MGAT4C: variants seen among roughly 807,000 people sequenced by gnomAD.
The protein encoded by MGAT4C is MGAT4 family member C.
MGAT4C carries 19 observed loss-of-function variants against 40.1 expected under a neutral mutation model. The observed-to-expected ratio is 0.47, with a 90% CI of 0.33 to 0.70. The LOEUF (loss-of-function observed/expected upper bound fraction) is 0.70. MGAT4C is among the 30% of genes least tolerant of loss of function. MGAT4C has a pLI of 0.02. For synonymous variants in MGAT4C, 181 were observed against 187.1 expected, an observed-to-expected ratio of 0.97 and a Z score of 0.27; for missense variants, 491 against 563.2, an observed-to-expected ratio of 0.87 and a Z score of 1.30.
chr12:86,589,129 G>C (rs1343308724), intron 2 of MGAT4C, among the ~76,000 whole-genome samples: 1 of 151,490 alleles, frequency 6.6e-6, no homozygotes, highest in Non-Finnish European at 1.5e-5. Context: ...TTTTCTGAAA[G>C]GATCAACAAA....
At chr12:86,210,235 C>T (rs561867972) in intron 1 of MGAT4C, among the ~76,000 whole-genome samples, 24 of 152,204 alleles carry the variant, frequency 1.6e-4, no homozygotes, top group African/African-American at 5.5e-4. Context: ...GTGTTAATCA[C>T]TACTTTAATT....
chr12:86,191,356 CGT>C (rs1566118473), intron 1 of MGAT4C, among the ~76,000 whole-genome samples: 21 of 151,700 alleles, frequency 1.4e-4, no homozygotes, highest in African/African-American at 3.6e-4. Flanking sequence ...AAGAAAACTA[CGT>C]GAAATGTCTC....
At chr12:86,030,712 T>C (rs1310563948) in intron 2 of MGAT4C, among the ~76,000 whole-genome samples, 1 of 151,792 alleles carries the variant, frequency 6.6e-6, no homozygotes, top group African/African-American at 2.4e-5. Flanking sequence ...CAAAGCACAT[T>C]TTATTATTAA....
At chr12:86,474,112 G>A (rs1957794949) in intron 2 of MGAT4C, among the ~76,000 whole-genome samples, 1 of 151,792 alleles carries the variant, frequency 6.6e-6, no homozygotes, top group Non-Finnish European at 1.5e-5. Flanking sequence ...CAAAGACTTG[G>A]AACCAACACA....
chr12:86,311,487 T>TA (rs397698663), intron 4 of MGAT4C, among the ~76,000 whole-genome samples: 1 of 151,842 alleles, frequency 6.6e-6, no homozygotes, highest in East Asian at 1.9e-4. Flanking sequence ...CTAATTTTTT[T>TA]AATAAGAGCC....
At chr12:86,205,011 C>G (rs1950196443) in intron 1 of MGAT4C, among the ~76,000 whole-genome samples, 1 of 151,816 alleles carries the variant, frequency 6.6e-6, no homozygotes, top group African/African-American at 2.4e-5. Flanking sequence ...CATAATGGCA[C>G]AGAGAAAAAT....
chr12:86,334,988 A>C (rs898154697), intron 3 of MGAT4C, among the ~76,000 whole-genome samples: 6 of 152,108 alleles, frequency 3.9e-5, no homozygotes, highest in African/African-American at 1.4e-4. Flanking sequence ...ATTCATTTGA[A>C]TATTTAAAAT....
intron 3 of MGAT4C, among the ~76,000 whole-genome samples, chr12:86,373,636 C>T (rs1231150822): frequency 6.6e-6 from 1 of 150,474 alleles, no homozygotes; most frequent in African/African-American, 2.4e-5. Flanking sequence ...TGGGAACTGC[C>T]ATCACAAAAG....
At chr12:86,680,334 T>C (rs925402571) in intron 2 of MGAT4C, among the ~76,000 whole-genome samples, 2 of 152,014 alleles carry the variant, frequency 1.3e-5, no homozygotes, top group Admixed American at 6.6e-5. Context: ...GGTTATCTCA[T>C]AAGATTATCA....
At chr12:86,176,230 G>A (rs1210716985) in intron 1 of MGAT4C, among the ~76,000 whole-genome samples, 1 of 152,098 alleles carries the variant, frequency 6.6e-6, no homozygotes, top group East Asian at 1.9e-4. Flanking sequence ...GGCCTAAATA[G>A]TGTGAGCTCT....
chr12:86,359,703 G>C (rs949745861), intron 3 of MGAT4C, among the ~76,000 whole-genome samples: 5 of 151,970 alleles, frequency 3.3e-5, no homozygotes, highest in African/African-American at 4.8e-5. Flanking sequence ...CTATAAACAC[G>C]TCTATGCAAA....
chr12:86,600,859 G>A (rs1961744759), intron 2 of MGAT4C, among the ~76,000 whole-genome samples: 1 of 152,320 alleles, frequency 6.6e-6, no homozygotes, highest in Non-Finnish European at 1.5e-5. Context: ...GAAAGCCCCC[G>A]CCTCCACAGG....
chr12:86,633,796 A>T (rs1488234087), intron 2 of MGAT4C, among the ~76,000 whole-genome samples: 1 of 152,118 alleles, frequency 6.6e-6, no homozygotes, highest in African/African-American at 2.4e-5. Context: ...TTTGTTTTTT[A>T]GCCATAATTC....
rs191633307 is a variant in MGAT4C at position 86,110,871 on chromosome 12, T to C, written c.-56-61148A>G. Among the ~76,000 whole-genome samples, 21 of 151,878 alleles carry C rather than the reference T, an allele frequency of 1.4e-4. No individual in the cohort carries two copies. The East Asian group carries it at 3.5e-3, about 25-fold the overall frequency. Reference sequence around the variant, plus strand: ...TAACTATGAAAATGTATAACTATTATGCCGTTATATGTACTACTGTGAATT... The same window carrying C: ...TAACTATGAAAATGTATAACTATTACGCCGTTATATGTACTACTGTGAATT... On this transcript the variant is annotated intron_variant, in intron 1 of 4. Transcript: ENST00000611864.
At chr12:86,693,017 G>A (rs570931089) in intron 2 of MGAT4C, among the ~76,000 whole-genome samples, 1 of 145,838 alleles carries the variant, frequency 6.9e-6, no homozygotes, top group African/African-American at 2.5e-5. Flanking sequence ...ACTGGGCTAA[G>A]GTAGCCAAAC....
At chr12:86,513,155 G>A (rs1371733899) in intron 2 of MGAT4C, among the ~76,000 whole-genome samples, 1 of 152,060 alleles carries the variant, frequency 6.6e-6, no homozygotes, top group East Asian at 1.9e-4. Context: ...TACGAAGTAA[G>A]ATTAACTACA....
rs369116019 is a variant in MGAT4C at position 86,765,870 on chromosome 12, A to C, written c.-261-38629T>G. On this transcript the variant is annotated intron_variant, in intron 1 of 7. Coordinates refer to the MGAT4C transcript ENST00000548651. ...CCTAAAAGAGCTCCTGAAGGAAGCA[A>C]TAAACATGGAAAGGAACAACTGGTA... is the stretch of plus-strand genomic sequence containing the variant. 1.2e-4 allele frequency among the ~76,000 whole-genome samples: 19 copies of C among 152,270 alleles called. No individual in the cohort carries two copies. The East Asian group carries it at 2.5e-3, about 20-fold the overall frequency.
At chr12:86,765,443 C>G (rs1023194116) in intron 1 of MGAT4C, among the ~76,000 whole-genome samples, 2 of 152,304 alleles carry the variant, frequency 1.3e-5, no homozygotes, top group Middle Eastern at 3.4e-3. Flanking sequence ...AAACACTCTG[C>G]AGGATATTAT....
At chr12:86,819,517 T>G (rs1024213518) in intron 1 of MGAT4C, among the ~76,000 whole-genome samples, 1 of 150,958 alleles carries the variant, frequency 6.6e-6, no homozygotes, top group African/African-American at 2.4e-5. Flanking sequence ...TCAGAGGCAG[T>G]CAATAAGTGG....
Sources: allele counts gnomAD v4.1 joint callset (sites outside exome capture counted in the v4.1 genomes callset), GRCh38; gene constraint gnomAD v4.1.1; transcripts MANE v1.5; gene names NCBI Gene and HGNC (gene_info 2026-07-23, HGNC 2026-07-21).